Variants in CPQ observed in about 807,000 individuals in gnomAD.
The protein encoded by CPQ is Ser-Met dipeptidase.
In CPQ, 37 loss-of-function variants were observed where a neutral mutation model predicts 45.7. The ratio of observed to expected loss-of-function variants is 0.81; its 90% CI spans 0.62 to 1.07. The LOEUF is 1.07. Among genes scored for constraint, CPQ ranks in the 50% least tolerant of loss-of-function variants. CPQ has a pLI of 0.00. For synonymous variants in CPQ, 186 were observed against 205.8 expected (o/e 0.90, Z 0.82); for missense variants, 537 against 572.9 (o/e 0.94, Z 0.64).
intron 3 of CPQ, among the ~76,000 whole-genome samples, chr8:96,845,509 T>G (rs955772649): frequency 6.6e-6 from 1 of 152,194 alleles, no homozygotes; most frequent in African/African-American, 2.4e-5. Context: ...CACCACAGAT[T>G]TTTTTCTCAA....
chr8:96,761,931 C>G (rs1215259216), intron 1 of CPQ, among the ~76,000 whole-genome samples: 1 of 152,152 alleles, frequency 6.6e-6, no homozygotes, highest in Admixed American at 6.6e-5. Flanking sequence ...AACTAGCTTG[C>G]TTTGGCCTTC....
intron 4 of CPQ, among the ~76,000 whole-genome samples, chr8:96,930,119 T>TA (rs1255864323): frequency 2.0e-5 from 3 of 152,040 alleles, no homozygotes; most frequent in African/African-American, 4.8e-5. Context: ...AAAATGAAAA[T>TA]ACAGTCTCAT....
intron 4 of CPQ, among the ~76,000 whole-genome samples, chr8:96,965,678 T>C (rs1396508232): frequency 6.6e-6 from 1 of 152,164 alleles, no homozygotes; most frequent in African/African-American, 2.4e-5. Context: ...CAAGCCAATT[T>C]CTTTAGTAGT....
intron 2 of CPQ, 43 bp downstream of exon 2, chr8:96,785,373 A>G: frequency 6.9e-7 from 1 of 1,456,372 alleles, no homozygotes; most frequent in South Asian, 1.3e-5. Flanking sequence ...TTATAAAACT[A>G]ATGTCCCTTG....
chr8:96,875,449 A>G (rs898868646), intron 3 of CPQ, among the ~76,000 whole-genome samples: 2 of 151,936 alleles, frequency 1.3e-5, no homozygotes, highest in African/African-American at 4.8e-5. Context: ...TAAGGCTATG[A>G]TTCATTTTGA....
At chr8:96,932,131 G>A (rs1586456967) in intron 4 of CPQ, among the ~76,000 whole-genome samples, 1 of 152,062 alleles carries the variant, frequency 6.6e-6, no homozygotes, top group Non-Finnish European at 1.5e-5. Context: ...CAGATTGAAC[G>A]GTTGTTAACA....
chr8:96,975,454 G>A (rs1477963929), intron 5 of CPQ, among the ~76,000 whole-genome samples: 1 of 151,834 alleles, frequency 6.6e-6, no homozygotes, highest in Non-Finnish European at 1.5e-5. Context: ...TAAGGAAATA[G>A]AGAATCATCC....
intron 7 of CPQ, among the ~76,000 whole-genome samples, chr8:97,120,126 C>A (rs934220692): frequency 6.6e-6 from 1 of 152,108 alleles, no homozygotes; most frequent in South Asian, 2.1e-4. Context: ...AATATTAGGA[C>A]CTCCTTTTTC....
intron 1 of CPQ, 107 bp from the exon 2 acceptor site, chr8:96,784,757 T>G: frequency 1.3e-6 from 1 of 745,236 alleles, no homozygotes; most frequent in Non-Finnish European, 2.2e-6. Flanking sequence ...TGTTGGGCAG[T>G]GGTTGGGAAG....
intron 2 of CPQ, among the ~76,000 whole-genome samples, chr8:96,823,773 T>C (rs2130839438): frequency 6.6e-6 from 1 of 152,152 alleles, no homozygotes; most frequent in Non-Finnish European, 1.5e-5. Context: ...ACTGAGTTAA[T>C]GTAAGTAAAA....
At chr8:96,957,684 A>G (rs1586466676) in intron 4 of CPQ, among the ~76,000 whole-genome samples, 2 of 152,122 alleles carry the variant, frequency 1.3e-5, no homozygotes, top group East Asian at 1.9e-4. Context: ...CTGTAATCCC[A>G]GCTACTCAGG....
chr8:96,929,175 A>G (rs886157024), intron 4 of CPQ, among the ~76,000 whole-genome samples: 1 of 152,136 alleles, frequency 6.6e-6, no homozygotes, highest in Non-Finnish European at 1.5e-5. Context: ...ATTTCTGTTT[A>G]TTGGGGTGGG....
intron 1 of CPQ, among the ~76,000 whole-genome samples, chr8:96,725,413 G>T (rs117672549): frequency 2.8e-4 from 42 of 152,208 alleles, no homozygotes; most frequent in African/African-American, 7.2e-4. Flanking sequence ...TCATTAAAAC[G>T]TGGGCAAAGG....
intron 5 of CPQ, among the ~76,000 whole-genome samples, chr8:97,022,598 T>C (rs891031786): frequency 1.3e-5 from 2 of 151,960 alleles, no homozygotes; most frequent in Non-Finnish European, 2.9e-5. Context: ...CAAAAGAAGA[T>C]ATACAAATGG....
chr8:96,853,908 A>G (rs1001676673), intron 3 of CPQ, among the ~76,000 whole-genome samples: 1 of 152,220 alleles, frequency 6.6e-6, no homozygotes, highest in Non-Finnish European at 1.5e-5. Flanking sequence ...TTCATTAACA[A>G]TTTAAGGTGG....
chr8:97,114,661 G>C (rs1435618001), intron 7 of CPQ, among the ~76,000 whole-genome samples: 3 of 152,112 alleles, frequency 2.0e-5, no homozygotes, highest in Non-Finnish European at 2.9e-5. Flanking sequence ...CCATTACCTA[G>C]ACTCACCACG....
chr8:97,102,877 C>T (rs538747633), intron 7 of CPQ, among the ~76,000 whole-genome samples: 3 of 152,074 alleles, frequency 2.0e-5, no homozygotes, highest in Non-Finnish European at 2.9e-5. Flanking sequence ...TCTTTTTTTA[C>T]GTTCTAGAGG....
At chr8:96,913,006 C>T (rs910622640) in intron 4 of CPQ, among the ~76,000 whole-genome samples, 1 of 152,184 alleles carries the variant, frequency 6.6e-6, no homozygotes, top group African/African-American at 2.4e-5. Context: ...CTTTCTCCTG[C>T]TCCTCTCCTC....
At chr8:96,963,865 C>T (rs946307744) in intron 4 of CPQ, among the ~76,000 whole-genome samples, 1 of 152,032 alleles carries the variant, frequency 6.6e-6, no homozygotes, top group Non-Finnish European at 1.5e-5. Flanking sequence ...TAATCACTCT[C>T]CTGTTTTGCG....
Sources: gnomAD v4.1 joint callset for allele counts (sites outside exome capture counted in the v4.1 genomes callset) on GRCh38, gnomAD v4.1.1 for gene constraint, MANE v1.5 for transcripts, NCBI Gene and HGNC (gene_info 2026-07-23, HGNC 2026-07-21) for gene names.